CHORDC1: variants seen among roughly 807,000 people sequenced by gnomAD.
The protein encoded by CHORDC1 is cysteine and histidine-rich domain-containing protein 1.
CHORDC1 carries 25 observed loss-of-function variants against 48.3 expected under a neutral mutation model. That is an observed-to-expected ratio of 0.52 (90% CI 0.38 to 0.72). The LOEUF is 0.72. Among genes scored for constraint, CHORDC1 ranks in the 30% least tolerant of loss-of-function variants. CHORDC1 has a pLI of 0.00. For synonymous variants in CHORDC1, 128 were observed against 126.4 expected (o/e 1.01, Z -0.09); for missense variants, 317 against 388.7 (o/e 0.82, Z 1.55).
At chr11:90,222,835 G>T (rs1444520186) in intron 1 of CHORDC1, 56 bp downstream of exon 1, 1 of 1,485,044 alleles carries the variant, frequency 6.7e-7, no homozygotes, top group Non-Finnish European at 9.4e-7. Flanking sequence ...GGCCCAAAGG[G>T]CCTCCCCTGC....
intron 1 of CHORDC1, among the ~76,000 whole-genome samples, chr11:90,222,246 G>A (rs1210462807): frequency 6.6e-6 from 1 of 152,146 alleles, no homozygotes; most frequent in Non-Finnish European, 1.5e-5. Context: ...AGTAAAACGT[G>A]GAGGCCACAA....
intron 4 of CHORDC1, chr11:90,211,667 A>G: frequency 4.9e-6 from 1 of 205,592 alleles, no homozygotes; most frequent in South Asian, 8.0e-5. Flanking sequence ...TTTACATCCC[A>G]TGCCCAAGCT....
intron 6 of CHORDC1, chr11:90,208,625 T>G (rs923572930): frequency 1.3e-5 from 2 of 152,068 alleles, no homozygotes; most frequent in African/African-American, 4.8e-5. Flanking sequence ...CAAGTACATA[T>G]TCTATGGTTA....
intron 8 of CHORDC1, among the ~76,000 whole-genome samples, chr11:90,205,020 C>T (rs150523040): frequency 1.0e-3 from 152 of 152,102 alleles, no homozygotes; most frequent in African/African-American, 3.5e-3. Flanking sequence ...AGACTGCAAT[C>T]CTCCTCTCTG....
intron 10 of CHORDC1, 46 bp from the exon 11 acceptor site, chr11:90,202,597 T>C (rs1857569330): frequency 6.9e-6 from 11 of 1,593,108 alleles, no homozygotes; most frequent in Admixed American, 1.7e-5. Flanking sequence ...GTAGTTTTAT[T>C]AGTCTCAGAG....
At chr11:90,219,178 C>T (rs916584510) in intron 1 of CHORDC1, among the ~76,000 whole-genome samples, 4 of 151,940 alleles carry the variant, frequency 2.6e-5, no homozygotes, top group Admixed American at 2.0e-4. Flanking sequence ...ACAGGAGAAT[C>T]GCTTGAACTT....
chr11:90,205,441 T>G lies in CHORDC1; in HGVS notation c.669+19A>C. On this transcript the variant is annotated intron_variant, in intron 8 of 10. Coordinates refer to ENST00000320585, the MANE Select transcript of CHORDC1 (RefSeq NM_012124.3). ...GATGAATATAAACCCAGTGTGCTAT[T>G]TTTGGAAGAGTTACTTACAGCATCT... 1 of 1,321,462 alleles carries G rather than the reference T, an allele frequency of 7.6e-7. No individual in the cohort carries two copies. The highest frequency in any genetic ancestry group is 1.1e-6 in the Non-Finnish European group (1 of 934,382). 81.9% of individuals were successfully genotyped at this position (1,321,462 alleles called of 1,614,324 possible). A position where few individuals can be genotyped will look rare whatever the true frequency, so the allele number is the denominator to read the frequency against.
chr11:90,208,490 A>G (rs994151086), intron 6 of CHORDC1: 1 of 152,192 alleles, frequency 6.6e-6, no homozygotes, highest in African/African-American at 2.4e-5. Flanking sequence ...AGGACAATAT[A>G]AAGTAGAAAT....
chr11:90,215,173 C>T lies in CHORDC1; in HGVS notation c.171+1G>A, dbSNP rs1333130595. On this transcript the variant is annotated splice_donor_variant, in intron 3 of 10. Coordinates refer to ENST00000320585, the MANE Select transcript of CHORDC1 (RefSeq NM_012124.3). LOFTEE classifies it high-confidence loss of function. ...ATCTAGAAAAAATAATTAGTACTTACTACAATGCTTAAGAAATCAGAAAAA... is the reference window on the plus strand; with the variant it reads ...ATCTAGAAAAAATAATTAGTACTTATTACAATGCTTAAGAAATCAGAAAAA... 3.3e-6 allele frequency: 5 copies of T among 1,507,204 alleles called. No homozygotes were observed. The highest frequency in any genetic ancestry group is 4.5e-6 in the Non-Finnish European group (5 of 1,104,654). 93.4% of individuals were successfully genotyped at this position (1,507,204 alleles called of 1,614,324 possible).
chr11:90,202,989 G>A (rs1857579187), intron 9 of CHORDC1, 114 bp from the exon 10 acceptor site: 3 of 1,268,198 alleles, frequency 2.4e-6, no homozygotes, highest in Non-Finnish European at 2.1e-6. Flanking sequence ...TTAAGAAACT[G>A]CCAATACTGT....
chr11:90,215,003 ATTCT>A (rs1459532835), intron 3 of CHORDC1, among the ~76,000 whole-genome samples, 167 bp downstream of exon 3: 4 of 152,006 alleles, frequency 2.6e-5, no homozygotes, highest in African/African-American at 9.7e-5. Context: ...TCCAAAACAG[ATTCT>A]TTATTTTACA....
At chr11:90,221,779 A>G (rs1457707088) in intron 1 of CHORDC1, among the ~76,000 whole-genome samples, 1 of 152,158 alleles carries the variant, frequency 6.6e-6, no homozygotes, top group East Asian at 1.9e-4. Context: ...AAAACTCTGT[A>G]TCAATGGTCT....
At chr11:90,210,476 G>T in intron 6 of CHORDC1, 60 bp downstream of exon 6, 1 of 1,053,080 alleles carries the variant, frequency 9.5e-7, no homozygotes, top group Non-Finnish European at 1.5e-6. Flanking sequence ...TCAGCAAACT[G>T]CACTTTCCTC....
chr11:90,213,929 A>T (rs1474533156), intron 4 of CHORDC1, 89 bp downstream of exon 4: 1 of 1,140,798 alleles, frequency 8.8e-7, no homozygotes. Flanking sequence ...GTAGCTACAA[A>T]TGGTATCATG....
chr11:90,209,462 T>C (rs1339526612), intron 6 of CHORDC1: 1 of 152,154 alleles, frequency 6.6e-6, no homozygotes, highest in East Asian at 1.9e-4. Flanking sequence ...AATTCTATCA[T>C]TCATTCTACA....
At position 90,201,025 on chromosome 11, in the gene CHORDC1, TTA is replaced by T. The variant is rs1230226094; in HGVS notation, c.*1378_*1379del. 5.3e-5 allele frequency: 8 copies of T among 152,088 alleles called. No individual in the cohort carries two copies. The highest frequency in any genetic ancestry group is 1.7e-4 in the African/African-American group (7 of 41,566). The allele number at this position is 152,088 out of a possible 1,614,324, so 9.4% of individuals were successfully genotyped here. A position where few individuals can be genotyped will look rare whatever the true frequency, so the allele number is the denominator to read the frequency against. On this transcript the variant is annotated 3_prime_UTR_variant, in exon 11 of 11. Coordinates refer to ENST00000320585, the MANE Select transcript of CHORDC1 (RefSeq NM_012124.3). ...TCATGAAAGTCTGGTTGCCAGATCT[TTA>T]TGTTTTTATTTGTAACAGAGCTAAA...
intron 1 of CHORDC1, among the ~76,000 whole-genome samples, chr11:90,219,126 C>T (rs938626467): frequency 6.6e-6 from 1 of 151,826 alleles, no homozygotes; most frequent in Non-Finnish European, 1.5e-5. Context: ...ATTAGCCGGG[C>T]GTGGTAGTGC....
intron 6 of CHORDC1, among the ~76,000 whole-genome samples, chr11:90,209,774 A>G (rs1340498583): frequency 6.6e-6 from 1 of 152,180 alleles, no homozygotes; most frequent in Non-Finnish European, 1.5e-5. Flanking sequence ...GTCTTCCACA[A>G]TAGCATCCTA....
chr11:90,217,764 G>A (rs1858051334), intron 2 of CHORDC1: 1 of 155,296 alleles, frequency 6.4e-6, no homozygotes, highest in African/African-American at 2.4e-5. Context: ...GCTGGGCATG[G>A]TGGCAGGTGC....
Sources: gnomAD v4.1 joint callset for allele counts (sites outside exome capture counted in the v4.1 genomes callset) on GRCh38, gnomAD v4.1.1 for gene constraint, MANE v1.5 for transcripts, NCBI Gene and HGNC (gene_info 2026-07-23, HGNC 2026-07-21) for gene names.